The following NXPE2 variants were observed in gnomAD, a reference collection of about 807,000 sequenced individuals.
NXPE2 encodes NXPE family member 2.
In NXPE2, 34 loss-of-function variants were observed where a neutral mutation model predicts 34.4. That is an observed-to-expected ratio of 0.99 (90% CI 0.75 to 1.31). NXPE2 has a LOEUF of 1.31. Ranked by LOEUF, NXPE2 falls within the 40% of genes most tolerant of loss-of-function variation. The probability of loss-of-function intolerance (pLI) is 0.00; values close to 1 mark genes in which losing one functional copy is unlikely to be tolerated. For synonymous variants in NXPE2, 235 were observed against 231.3 expected (o/e 1.02, Z -0.15); for missense variants, 649 against 672.5 (o/e 0.97, Z 0.39).
chr11:114,507,466 T>C, the NXPE2 span, among the ~76,000 whole-genome samples: 1 of 152,142 alleles, frequency 6.6e-6, no homozygotes, highest in African/African-American at 2.4e-5. Flanking sequence ...CTGATATTCT[T>C]GATGAACATC....
the NXPE2 span, among the ~76,000 whole-genome samples, chr11:114,615,172 G>T: frequency 6.6e-6 from 1 of 151,638 alleles, no homozygotes; most frequent in African/African-American, 2.4e-5. Context: ...CAGGTGGATA[G>T]TAAGTATTCC....
intron 2 of NXPE2, among the ~76,000 whole-genome samples, chr11:114,680,038 G>A (rs7127218): frequency 0.18 from 26,992 of 151,952 alleles, 2,758 homozygotes; most frequent in Non-Finnish European, 0.22. Context: ...ACCATCCTGC[G>A]TCAAAATTCT....
the NXPE2 span, among the ~76,000 whole-genome samples, chr11:114,545,113 T>C: frequency 6.6e-6 from 1 of 152,282 alleles, no homozygotes; most frequent in Middle Eastern, 3.4e-3. Flanking sequence ...TCATTGCTGG[T>C]GGGAATCCAA....
At chr11:114,807,484 G>A in the NXPE2 span, among the ~76,000 whole-genome samples, 5 of 151,964 alleles carry the variant, frequency 3.3e-5, no homozygotes, top group East Asian at 1.9e-4. Context: ...TCAAAATAAA[G>A]GGATGGAGGA....
chr11:114,642,540 T>C, the NXPE2 span, among the ~76,000 whole-genome samples: 303 of 152,166 alleles, frequency 2.0e-3, 3 homozygotes, highest in Middle Eastern at 0.027. Flanking sequence ...TTGTGTTAGT[T>C]TGCTGAGAAT....
chr11:114,499,242 T>C, the NXPE2 span, among the ~76,000 whole-genome samples: 1 of 152,170 alleles, frequency 6.6e-6, no homozygotes, highest in African/African-American at 2.4e-5. Context: ...TTGCTTTTAA[T>C]GTTTTGAATG....
the NXPE2 span, among the ~76,000 whole-genome samples, chr11:114,637,963 A>C: frequency 6.6e-6 from 1 of 151,560 alleles, no homozygotes; most frequent in African/African-American, 2.4e-5. Context: ...CTTCTCGAGG[A>C]GTATCTTTGT....
the NXPE2 span, among the ~76,000 whole-genome samples, chr11:114,746,899 AC>A: frequency 0.2 from 28,739 of 141,144 alleles, 3,287 homozygotes; most frequent in East Asian, 0.36. Context: ...AAAAAAAAAA[AC>A]CCCACAAAGA....
chr11:114,660,277 C>A, the NXPE2 span, among the ~76,000 whole-genome samples: 3 of 151,896 alleles, frequency 2.0e-5, no homozygotes, highest in Non-Finnish European at 4.4e-5. Context: ...AAAATAGAAG[C>A]ACTTTGCAAT....
the NXPE2 span, among the ~76,000 whole-genome samples, chr11:114,805,099 T>G: frequency 6.6e-6 from 1 of 152,058 alleles, no homozygotes; most frequent in East Asian, 1.9e-4. Flanking sequence ...ACTCCTTAAA[T>G]GTAAGACAAA....
chr11:114,610,093 A>G, the NXPE2 span, among the ~76,000 whole-genome samples: 34 of 151,932 alleles, frequency 2.2e-4, 1 homozygote, highest in African/African-American at 6.5e-4. Flanking sequence ...TAACTGGTGA[A>G]TAATAAGTGT....
At chr11:114,606,739 G>C in the NXPE2 span, among the ~76,000 whole-genome samples, 1 of 151,692 alleles carries the variant, frequency 6.6e-6, no homozygotes, top group Non-Finnish European at 1.5e-5. Flanking sequence ...ACTGCTACCT[G>C]CTGGATAATA....
At chr11:114,647,302 C>T in the NXPE2 span, among the ~76,000 whole-genome samples, 1 of 152,082 alleles carries the variant, frequency 6.6e-6, no homozygotes. Context: ...TTGTACTGTG[C>T]TTATGAGCTT....
the NXPE2 span, among the ~76,000 whole-genome samples, chr11:114,723,197 A>G: frequency 6.6e-6 from 1 of 152,170 alleles, no homozygotes; most frequent in Admixed American, 6.6e-5. Flanking sequence ...TTATTTGTAA[A>G]ATTGTATTTC....
the NXPE2 span, among the ~76,000 whole-genome samples, chr11:114,802,781 C>G: frequency 6.6e-6 from 1 of 152,012 alleles, no homozygotes; most frequent in Non-Finnish European, 1.5e-5. Context: ...TTAGTTCTTC[C>G]TCTTGTTTGA....
chr11:114,762,716 A>C, the NXPE2 span, among the ~76,000 whole-genome samples: 1 of 152,186 alleles, frequency 6.6e-6, no homozygotes, highest in African/African-American at 2.4e-5. Flanking sequence ...AACAGAAGCC[A>C]GTCTTTAAAT....
chr11:114,513,038 C>A, the NXPE2 span: 5 of 424,516 alleles, frequency 1.2e-5, no homozygotes, highest in Admixed American at 1.4e-4. Context: ...GGTATCTGAC[C>A]CCCCCCAGAA....
chr11:114,530,964 C>G, the NXPE2 span: 1 of 1,466,696 alleles, frequency 6.8e-7, no homozygotes, highest in East Asian at 2.3e-5. Flanking sequence ...ATCATTTTTA[C>G]TTATTATGAG....
chr11:114,573,947 A>G, the NXPE2 span, among the ~76,000 whole-genome samples: 2 of 152,238 alleles, frequency 1.3e-5, no homozygotes, highest in African/African-American at 2.4e-5. Context: ...TCCAAGATAG[A>G]GCATATGATA....
Sources: gnomAD v4.1 joint callset for allele counts (sites outside exome capture counted in the v4.1 genomes callset) on GRCh38, gnomAD v4.1.1 for gene constraint, MANE v1.5 for transcripts, NCBI Gene and HGNC (gene_info 2026-07-23, HGNC 2026-07-21) for gene names.